The following IVD variants were observed in gnomAD, a reference collection of about 807,000 sequenced individuals.
IVD encodes isovaleryl-CoA dehydrogenase, mitochondrial.
Under a neutral mutation model 51.3 loss-of-function variants are expected in IVD, and 31 were observed. The observed-to-expected ratio is 0.60, with a 90% CI of 0.45 to 0.81. The LOEUF (loss-of-function observed/expected upper bound fraction) is 0.81, where lower values mean the gene tolerates loss of function less well. Ranked by LOEUF, IVD falls within the 40% of genes least tolerant of loss-of-function variation. IVD has a pLI of 0.00. For missense variants in IVD, 475 were observed against 552.0 expected (o/e 0.86, Z 1.40); for synonymous variants, 205 against 219.4 (o/e 0.93, Z 0.58).
chr15:40,420,514 A>C lies in IVD; in HGVS notation c.*2251A>C. On this transcript the variant is annotated 3_prime_UTR_variant, in exon 12 of 12. Transcript: ENST00000487418. ...CTGGATCCAGCTTGTGTCCTTGGAG[A>C]GTGGCTGGCCCAGGTCCTATTCCTG... 1.0e-6 allele frequency: 1 copy of C among 987,556 alleles called. No homozygotes were observed. Among genetic ancestry groups the C allele is most frequent in the Non-Finnish European group, 1.2e-6 (1 of 830,102 alleles). 61.2% of individuals were successfully genotyped at this position (987,556 alleles called of 1,614,324 possible).
Position 40,421,125 on chromosome 15 carries a change from A to G in IVD, c.*2862A>G. The stretch of plus-strand genomic sequence containing the variant: ...TGCTATGTTGGAGATGAATGTGACT[A>G]AAAGGGCCATCTTGCTGGCTTAATG... On this transcript the variant is annotated 3_prime_UTR_variant, in exon 12 of 12. Coordinates refer to ENST00000487418, the MANE Select transcript of IVD (RefSeq NM_002225.5). 2.0e-6 allele frequency: 2 copies of G among 985,476 alleles called. No individual in the cohort carries two copies. Among genetic ancestry groups the G allele is most frequent in the South Asian group, 4.7e-5 (1 of 21,290 alleles). 61.0% of individuals were successfully genotyped at this position (985,476 alleles called of 1,614,324 possible). A position where few individuals can be genotyped will look rare whatever the true frequency, so the allele number is the denominator to read the frequency against.
chr15:40,428,350 G>A (rs1892785101), downstream of IVD, among the ~76,000 whole-genome samples: 1 of 151,878 alleles, frequency 6.6e-6, no homozygotes, highest in South Asian at 2.1e-4. Context: ...CCAGTTCCAG[G>A]TCCTCTTGTA....
At chr15:40,413,248 C>G (rs539988891) in intron 7 of IVD, 161 bp downstream of exon 7, 2 of 687,650 alleles carry the variant, frequency 2.9e-6, no homozygotes, top group Non-Finnish European at 5.3e-6. Flanking sequence ...GGACAGCGCT[C>G]CTTCCTGGCC....
downstream of IVD, among the ~76,000 whole-genome samples, chr15:40,423,402 T>A (rs1198768619): frequency 6.6e-6 from 1 of 152,256 alleles, no homozygotes; most frequent in Non-Finnish European, 1.5e-5. Flanking sequence ...ATAATTCACT[T>A]CATACCTCTA....
At chr15:40,427,000 G>A (rs1349894462), downstream of IVD, among the ~76,000 whole-genome samples, 1 of 152,220 alleles carries the variant, frequency 6.6e-6, no homozygotes, top group Non-Finnish European at 1.5e-5. Context: ...GCAGCCGGAT[G>A]CTCCAGTTTT....
downstream of IVD, among the ~76,000 whole-genome samples, chr15:40,425,867 C>T (rs960671096): frequency 2.0e-5 from 3 of 151,816 alleles, no homozygotes; most frequent in Non-Finnish European, 2.9e-5. Context: ...TGGAGTGCAG[C>T]GGCGCAGTCA....
chr15:40,428,567 G>A (rs962666313), downstream of IVD, among the ~76,000 whole-genome samples: 17 of 152,068 alleles, frequency 1.1e-4, no homozygotes, highest in Non-Finnish European at 2.1e-4. Context: ...TGGCCAAGCC[G>A]CCCAGGTGCT....
intron 7 of IVD, among the ~76,000 whole-genome samples, chr15:40,430,843 T>G (rs1002809311): frequency 6.6e-6 from 1 of 152,152 alleles, no homozygotes; most frequent in Non-Finnish European, 1.5e-5. Flanking sequence ...TCAAAGAGAG[T>G]GCAGAAGGCA....
At chr15:40,410,557 A>C (rs937047502) in intron 3 of IVD, 71 bp from the exon 4 acceptor site, 30 of 1,567,582 alleles carry the variant, frequency 1.9e-5, no homozygotes, top group Non-Finnish European at 2.6e-5. Flanking sequence ...CGTCAAATGT[A>C]AGATTCTTAA....
Position 40,411,688 on chromosome 15 carries a change from G to A in IVD, c.684G>A (p.Glu228=). 2 of 1,614,212 alleles carry A rather than the reference G, an allele frequency of 1.2e-6. No individual in the cohort carries two copies. The highest frequency in any genetic ancestry group is 2.2e-5 in the South Asian group (2 of 91,086). ...ASRGITAFIV[E]KGMPGFSTSK... is the part of the protein sequence containing the mutation. ...GGGGCATCACAGCCTTCATTGTGGA[G>A]AAGGTGAGTATAGGTGGGTGCAGGG... The change falls in exon 6 of 12, where the codon GAG becomes GAA. Residue 228 remains glutamate, a synonymous_variant. Transcript: ENST00000487418.
chr15:40,430,466 T>C (rs1377192447), intron 7 of IVD, among the ~76,000 whole-genome samples: 1 of 152,188 alleles, frequency 6.6e-6, no homozygotes, highest in African/African-American at 2.4e-5. Flanking sequence ...TGGATCTTTA[T>C]GCTGAGTGTA....
At position 40,410,543 on chromosome 15, in the gene IVD, C is replaced by T. The variant is rs949578980; in HGVS notation, c.287-85C>T. The T allele has an allele frequency of 6.0e-6, 9 of 1,503,912 alleles. No individual in the cohort carries two copies. In the African/African-American group the frequency reaches 1.1e-4, roughly 18 times the overall value. 93.2% of individuals were successfully genotyped at this position (1,503,912 alleles called of 1,614,324 possible). On this transcript the variant is annotated intron_variant, in intron 3 of 11. Transcript: ENST00000487418. ...GTAGGTGCTACAAGGTGCTTCCCTT[C>T]TGCCGTCAAATGTAAGATTCTTAAT... is the stretch of plus-strand genomic sequence containing the variant.
intron 3 of IVD, among the ~76,000 whole-genome samples, chr15:40,409,951 T>C (rs564583726): frequency 5.9e-5 from 9 of 151,978 alleles, no homozygotes; most frequent in South Asian, 4.2e-4. Context: ...ATTCTCCTGC[T>C]TCAGCCTCCC....
downstream of IVD, among the ~76,000 whole-genome samples, chr15:40,427,587 T>C (rs1159663337): frequency 1.3e-5 from 2 of 152,222 alleles, no homozygotes; most frequent in African/African-American, 4.8e-5. Context: ...TAGTTCATAC[T>C]TGAGTCTTGT....
downstream of IVD, among the ~76,000 whole-genome samples, chr15:40,422,601 T>TTTTG (rs1892405944): frequency 9.3e-6 from 1 of 107,080 alleles, no homozygotes; most frequent in East Asian, 2.7e-4. Context: ...TTTTTTTTTT[T>TTTTG]TTTTTTTTTT....
Position 40,410,133 on chromosome 15 carries a change from C to T in IVD, c.287-495C>T, listed in dbSNP as rs555551908. On this transcript the variant is annotated intron_variant, in intron 3 of 11. Coordinates refer to ENST00000487418, the MANE Select transcript of IVD (RefSeq NM_002225.5). Reference sequence around the variant, plus strand: ...TTACAGGCGTGAGCCCCATGCCTGGCCTCCAGTCCTGCTTCTTTGGGTTCA... The same window carrying T: ...TTACAGGCGTGAGCCCCATGCCTGGTCTCCAGTCCTGCTTCTTTGGGTTCA... 2.6e-5 allele frequency among the ~76,000 whole-genome samples: 4 copies of T among 152,236 alleles called. No individual in the cohort carries two copies. The East Asian group carries it at 7.7e-4, about 29-fold the overall frequency.
chr15:40,408,155 C>T (rs1890668692), intron 3 of IVD, among the ~76,000 whole-genome samples, 165 bp downstream of exon 3: 1 of 152,194 alleles, frequency 6.6e-6, no homozygotes, highest in South Asian at 2.1e-4. Context: ...GAGAACAGGA[C>T]ACTCTTCTAT....
At chr15:40,434,766 T>C (rs551984274) in intron 8 of IVD, among the ~76,000 whole-genome samples, 7 of 152,322 alleles carry the variant, frequency 4.6e-5, no homozygotes, top group Non-Finnish European at 7.3e-5. Flanking sequence ...GCACGACCTA[T>C]GCTGGAGACC....
chr15:40,420,645 A>T lies in IVD; in HGVS notation c.*2382A>T. On this transcript the variant is annotated 3_prime_UTR_variant, in exon 12 of 12. Coordinates refer to ENST00000487418, the MANE Select transcript of IVD (RefSeq NM_002225.5). The stretch of plus-strand genomic sequence containing the variant: ...TCTCCCAGTGAGTTTTAAAGGAAGC[A>T]GGGAGCCCAGAGTGCTAAGTTCTTA... 1.0e-6 allele frequency: 1 copy of T among 987,592 alleles called. No homozygotes were observed. Among genetic ancestry groups the T allele is most frequent in the Non-Finnish European group, 1.2e-6 (1 of 830,112 alleles). The allele number at this position is 987,592 out of a possible 1,614,324, so 61.2% of individuals were successfully genotyped here. A position where few individuals can be genotyped will look rare whatever the true frequency, so the allele number is the denominator to read the frequency against.
Sources: allele counts gnomAD v4.1 joint callset (sites outside exome capture counted in the v4.1 genomes callset), GRCh38; gene constraint gnomAD v4.1.1; transcripts MANE v1.5; gene names NCBI Gene and HGNC (gene_info 2026-07-23, HGNC 2026-07-21).